ITCH: variants seen among roughly 807,000 people sequenced by gnomAD.
The protein encoded by ITCH is itchy E3 ubiquitin protein ligase, also known as E3 ubiquitin-protein ligase Itchy homolog.
ITCH carries 28 observed loss-of-function variants against 126.8 expected under a neutral mutation model. That is an observed-to-expected ratio of 0.22 (90% CI 0.16 to 0.30). ITCH has a LOEUF of 0.30. ITCH is among the 10% of genes least tolerant of loss of function. The probability of loss-of-function intolerance (pLI) is 1.00; values close to 1 mark genes in which losing one functional copy is unlikely to be tolerated. For synonymous variants in ITCH, 342 were observed against 340.0 expected (o/e 1.01, Z -0.06); for missense variants, 631 against 1,032.4 (o/e 0.61, Z 5.33).
At chr20:34,452,194 G>T (rs1265701434) in intron 12 of ITCH, among the ~76,000 whole-genome samples, 1 of 151,498 alleles carries the variant, frequency 6.6e-6, no homozygotes, top group East Asian at 1.9e-4. Flanking sequence ...CTTGCTTATA[G>T]AAAGCTGAAT....
At chr20:34,404,791 C>T (rs1379426229) in intron 3 of ITCH, among the ~76,000 whole-genome samples, 2 of 152,042 alleles carry the variant, frequency 1.3e-5, no homozygotes, top group Non-Finnish European at 2.9e-5. Context: ...ATGACATTTA[C>T]GTGCAGGCAC....
chr20:34,474,787 G>A (rs1473658085), intron 16 of ITCH, among the ~76,000 whole-genome samples: 1 of 41,444 alleles, frequency 2.4e-5, no homozygotes, highest in East Asian at 5.4e-4. Flanking sequence ...CTGGCCGGGC[G>A]GGGGGGCTGA....
At chr20:34,374,678 T>C (rs530999920) in intron 2 of ITCH, among the ~76,000 whole-genome samples, 1 of 152,198 alleles carries the variant, frequency 6.6e-6, no homozygotes, top group Admixed American at 6.6e-5. Context: ...TTAAGTGAAC[T>C]AGGGAATTCA....
At chr20:34,380,915 G>A (rs2146020188) in intron 2 of ITCH, among the ~76,000 whole-genome samples, 1 of 152,128 alleles carries the variant, frequency 6.6e-6, no homozygotes, top group Admixed American at 6.5e-5. Context: ...AGCCTCCTGA[G>A]TAGCTGGGAT....
intron 13 of ITCH, among the ~76,000 whole-genome samples, chr20:34,458,369 G>A (rs113585244): frequency 6.6e-6 from 1 of 152,156 alleles, no homozygotes; most frequent in Non-Finnish European, 1.5e-5. Context: ...GTCTCCCTTT[G>A]TTGCCCAGGC....
chr20:34,477,966 AAT>A (rs1988389719), intron 17 of ITCH, 106 bp downstream of exon 17: 1 of 1,411,168 alleles, frequency 7.1e-7, no homozygotes, highest in Non-Finnish European at 9.8e-7. Context: ...AGGAAAATGA[AAT>A]ATGTCAAATT....
intron 3 of ITCH, among the ~76,000 whole-genome samples, chr20:34,406,955 A>T (rs2039080842): frequency 6.6e-6 from 1 of 151,932 alleles, no homozygotes; most frequent in African/African-American, 2.4e-5. Flanking sequence ...TGGGTGGTGG[A>T]GTAGATAACC....
intron 6 of ITCH, among the ~76,000 whole-genome samples, chr20:34,423,667 G>A (rs867887309): frequency 5.3e-5 from 8 of 152,056 alleles, no homozygotes; most frequent in Admixed American, 1.3e-4. Flanking sequence ...GCAATGGCGC[G>A]ATCTTGGCTC....
chr20:34,464,174 G>C (rs1226801042), intron 14 of ITCH, among the ~76,000 whole-genome samples: 2 of 147,030 alleles, frequency 1.4e-5, no homozygotes, highest in East Asian at 4.0e-4. Flanking sequence ...TTGTTTAATA[G>C]AGACGGGGTT....
chr20:34,373,901 T>G (rs1361842804), intron 2 of ITCH, among the ~76,000 whole-genome samples: 3 of 152,102 alleles, frequency 2.0e-5, no homozygotes, highest in African/African-American at 7.2e-5. Context: ...TTTATTTTTT[T>G]TTAAGATGCA....
chr20:34,502,695 G>A (rs969387364), intron 23 of ITCH, among the ~76,000 whole-genome samples: 10 of 149,334 alleles, frequency 6.7e-5, no homozygotes, highest in South Asian at 6.3e-4. Flanking sequence ...GGGAGACTCC[G>A]CCTCAAAAAA....
chr20:34,372,760 A>G (rs1002590180), intron 2 of ITCH, among the ~76,000 whole-genome samples: 11 of 152,082 alleles, frequency 7.2e-5, no homozygotes, highest in Admixed American at 2.0e-4. Flanking sequence ...GTAATATTTG[A>G]CAAGGATCTG....
intron 1 of ITCH, among the ~76,000 whole-genome samples, chr20:34,366,070 G>C (rs2037410742): frequency 6.6e-6 from 1 of 152,142 alleles, no homozygotes; most frequent in Non-Finnish European, 1.5e-5. Context: ...AAGAGTAGGA[G>C]TGTGAAAAGG....
intron 14 of ITCH, among the ~76,000 whole-genome samples, chr20:34,464,009 C>G (rs892001553): frequency 2.0e-5 from 3 of 152,046 alleles, no homozygotes; most frequent in African/African-American, 7.2e-5. Flanking sequence ...GTCTCTCTCT[C>G]TGTCACCCAG....
intron 2 of ITCH, among the ~76,000 whole-genome samples, chr20:34,382,438 G>A (rs1038713384): frequency 1.3e-5 from 2 of 152,006 alleles, no homozygotes; most frequent in Non-Finnish European, 2.9e-5. Flanking sequence ...ATGGAGTCTC[G>A]CCTTGTCACC....
intron 7 of ITCH, among the ~76,000 whole-genome samples, chr20:34,426,236 G>T (rs1981496669): frequency 6.6e-6 from 1 of 152,218 alleles, no homozygotes; most frequent in Non-Finnish European, 1.5e-5. Flanking sequence ...GTAGTCAGAA[G>T]GGGAGAAGAA....
chr20:34,418,678 C>CTATG (rs1980297784), intron 6 of ITCH, among the ~76,000 whole-genome samples: 2 of 150,732 alleles, frequency 1.3e-5, no homozygotes, highest in South Asian at 4.2e-4. Context: ...GAACATACGT[C>CTATG]TATGTATGCT....
At chr20:34,504,306 T>C in intron 23 of ITCH, 25 bp from the exon 24 acceptor site, 1 of 1,575,716 alleles carries the variant, frequency 6.3e-7, no homozygotes. Flanking sequence ...ACTAACAAAC[T>C]GTTTATGATT....
In ITCH at chr20:34,508,147, AGGGAAGTCCTTT is replaced by A. The variant is rs1978355880; in HGVS notation, c.*356_*367del. 1 of 305,980 alleles carries A rather than the reference AGGGAAGTCCTTT, an allele frequency of 3.3e-6. No individual in the cohort carries two copies. The highest frequency in any genetic ancestry group is 6.4e-6 in the Non-Finnish European group (1 of 156,462). The allele number at this position is 305,980 out of a possible 1,614,324, so 19.0% of individuals were successfully genotyped here. On this transcript the variant is annotated 3_prime_UTR_variant, in exon 25 of 25. Coordinates refer to ENST00000374864, the MANE Select transcript of ITCH (RefSeq NM_031483.7). ...TCTTTTAGACATTCTGCAGACATGC[AGGGAAGTCCTTT>A]GGTAACTGCAATATACAAGATTTTC...
Sources: allele counts gnomAD v4.1 joint callset (sites outside exome capture counted in the v4.1 genomes callset), GRCh38; gene constraint gnomAD v4.1.1; transcripts MANE v1.5; gene names NCBI Gene and HGNC (gene_info 2026-07-23, HGNC 2026-07-21).